Variants in DYRK1A observed in about 807,000 individuals in gnomAD.
DYRK1A encodes the protein dual specificity tyrosine-phosphorylation-regulated kinase 1A.
A neutral mutation model predicts 79.7 loss-of-function variants in DYRK1A; 9 were observed. The ratio of observed to expected loss-of-function variants is 0.11; its 90% confidence interval spans 0.07 to 0.20. The LOEUF is 0.20. Ranked by LOEUF, DYRK1A falls within the 10% of genes least tolerant of loss-of-function variation. DYRK1A has a pLI of 1.00. For missense variants in DYRK1A, 622 were observed against 956.0 expected (o/e 0.65, Z 4.61); for synonymous variants, 349 against 329.7 (o/e 1.06, Z -0.63).
intron 2 of DYRK1A, among the ~76,000 whole-genome samples, chr21:37,457,018 TTAC>T (rs1569339382): frequency 2.5e-5 from 2 of 79,798 alleles, no homozygotes; most frequent in Non-Finnish European, 5.2e-5. Context: ...GAAAATTTAC[TTAC>T]TTACTTACTT....
intron 7 of DYRK1A, among the ~76,000 whole-genome samples, chr21:37,492,243 A>G (rs1369715574): frequency 6.6e-6 from 1 of 152,212 alleles, no homozygotes; most frequent in Non-Finnish European, 1.5e-5. Flanking sequence ...ACTTGGCTGG[A>G]GGTTTCAGTG....
intron 9 of DYRK1A, chr21:37,505,045 T>TAG: frequency 2.1e-6 from 1 of 465,306 alleles, no homozygotes; most frequent in East Asian, 3.6e-5. Context: ...AGGCCATAGT[T>TAG]TACTGACCCC....
At position 37,517,118 on chromosome 21, in the gene DYRK1A, C is replaced by T. The variant is rs979004259; in HGVS notation, c.*4587C>T. On this transcript the variant is annotated 3_prime_UTR_variant, in exon 12 of 12. Transcript: ENST00000647188. Reference sequence around the variant, plus strand: ...GACAAGTCTTAAACCGGCTTCCCTTCGCTTTTACCAGGTAGCCTGGTTCAG... The same window carrying T: ...GACAAGTCTTAAACCGGCTTCCCTTTGCTTTTACCAGGTAGCCTGGTTCAG... 6.6e-6 allele frequency: 1 copy of T among 152,236 alleles called. No individual in the cohort carries two copies. The highest frequency in any genetic ancestry group is 2.4e-5 in the African/African-American group (1 of 41,456). 9.4% of individuals were successfully genotyped at this position (152,236 alleles called of 1,614,324 possible). A position where few individuals can be genotyped will look rare whatever the true frequency, so the allele number is the denominator to read the frequency against.
chr21:37,391,922 C>T (rs760969560), intron 1 of DYRK1A, among the ~76,000 whole-genome samples: 2 of 152,244 alleles, frequency 1.3e-5, no homozygotes, highest in Non-Finnish European at 2.9e-5. Context: ...ATTAAACAAA[C>T]ATACAGATCC....
chr21:37,415,914 T>C (rs1241697697), intron 1 of DYRK1A, among the ~76,000 whole-genome samples: 2 of 152,166 alleles, frequency 1.3e-5, no homozygotes, highest in Non-Finnish European at 2.9e-5. Flanking sequence ...AGCTCTTGTT[T>C]TTTCATGTTT....
At chr21:37,389,752 T>G (rs2049834362) in intron 1 of DYRK1A, among the ~76,000 whole-genome samples, 1 of 151,774 alleles carries the variant, frequency 6.6e-6, no homozygotes, top group Non-Finnish European at 1.5e-5. Context: ...GGTGGACCCA[T>G]GAATATGAGT....
In DYRK1A at chr21:37,493,097, G is replaced by A. The variant is rs528970716; in HGVS notation, c.1005G>A (p.Met335Ile). ...TGCCTTATGACCTTGCCATTGATAT[G>A]TGGTCCCTCGGGTGTATTTTGGTTG... Reference protein sequence around the residue: ...LGMPYDLAIDMWSLGCILVEM... With the variant: ...LGMPYDLAIDIWSLGCILVEM... Residue 335 changes from methionine (M) to isoleucine (I), a missense_variant, in exon 8 of 12, where the codon ATG becomes ATA. Around this residue, in one of 5 missense-constraint regions of DYRK1A, gnomAD observed 138 missense variants for 346.4 expected, o/e 0.40. Transcript: ENST00000647188. 6.5e-7 allele frequency: 1 copy of A among 1,538,750 alleles called. No homozygotes were observed. Among genetic ancestry groups the A allele is most frequent in the Admixed American group, 1.7e-5 (1 of 57,372 alleles).
chr21:37,396,579 G>A (rs376752126), intron 1 of DYRK1A, among the ~76,000 whole-genome samples: 31 of 151,526 alleles, frequency 2.0e-4, no homozygotes, highest in African/African-American at 6.5e-4. Context: ...AATCTAGTCC[G>A]TAGCGTAATA....
intron 9 of DYRK1A, chr21:37,504,080 C>G (rs2053528120): frequency 6.6e-6 from 1 of 152,212 alleles, no homozygotes; most frequent in Non-Finnish European, 1.5e-5. Flanking sequence ...GAGTTGATCT[C>G]TTTTGTAGCT....
chr21:37,474,163 A>G (rs777684075), intron 3 of DYRK1A, among the ~76,000 whole-genome samples: 4 of 152,196 alleles, frequency 2.6e-5, no homozygotes, highest in Non-Finnish European at 4.4e-5. Context: ...TCTTAGATAC[A>G]GTGCTCTTTC....
At position 37,519,007 on chromosome 21, in the gene DYRK1A, T is replaced by C. The variant is rs1039667828; in HGVS notation, c.*6476T>C. The C allele has an allele frequency of 2.0e-5, 3 of 152,210 alleles. No homozygotes were observed. Among genetic ancestry groups the C allele is most frequent in the Non-Finnish European group, 2.9e-5 (2 of 68,036 alleles). The allele number at this position is 152,210 out of a possible 1,614,324, so 9.4% of individuals were successfully genotyped here. A position where few individuals can be genotyped will look rare whatever the true frequency, so the allele number is the denominator to read the frequency against. ...ATTTATGGTGCATTACAAAATGTTA[T>C]AAACAAGCCTCCGGGAAAGGCAGAA... On this transcript the variant is annotated 3_prime_UTR_variant, in exon 12 of 12. Coordinates refer to ENST00000647188, the MANE Select transcript of DYRK1A (RefSeq NM_001347721.2).
chr21:37,460,912 G>A (rs2051817903), intron 2 of DYRK1A, among the ~76,000 whole-genome samples: 1 of 152,066 alleles, frequency 6.6e-6, no homozygotes, highest in Non-Finnish European at 1.5e-5. Flanking sequence ...TGTACAATAT[G>A]ATAATTTATG....
chr21:37,441,962 G>GTT (rs34848736), intron 2 of DYRK1A, among the ~76,000 whole-genome samples: 9,712 of 139,904 alleles, frequency 0.069, 401 homozygotes, highest in Middle Eastern at 0.095. Flanking sequence ...TTATTTTGCT[G>GTT]TTTTTTTTTT....
chr21:37,452,295 C>T (rs975991800), intron 2 of DYRK1A, among the ~76,000 whole-genome samples: 1 of 145,494 alleles, frequency 6.9e-6, no homozygotes, highest in African/African-American at 2.6e-5. Flanking sequence ...AAATAAGCAG[C>T]TGGATTCATG....
At chr21:37,391,723 A>G (rs1276815474) in intron 1 of DYRK1A, among the ~76,000 whole-genome samples, 1 of 152,220 alleles carries the variant, frequency 6.6e-6, no homozygotes, top group Non-Finnish European at 1.5e-5. Flanking sequence ...TTGATAACCT[A>G]GCCCTAGTTT....
chr21:37,473,436 A>T (rs1380905250), intron 3 of DYRK1A, among the ~76,000 whole-genome samples: 1 of 152,208 alleles, frequency 6.6e-6, no homozygotes, highest in African/African-American at 2.4e-5. Flanking sequence ...TCACACACAC[A>T]TACACATGCA....
chr21:37,390,960 T>G (rs2148386286), intron 1 of DYRK1A, among the ~76,000 whole-genome samples: 1 of 152,334 alleles, frequency 6.6e-6, no homozygotes, highest in Non-Finnish European at 1.5e-5. Flanking sequence ...TACAGACCAG[T>G]GATTTTAGAG....
chr21:37,418,278 A>G (rs533245700), intron 1 of DYRK1A, among the ~76,000 whole-genome samples: 3 of 152,310 alleles, frequency 2.0e-5, no homozygotes, highest in South Asian at 2.1e-4. Context: ...TCAGCAGAAA[A>G]TTATGTAACT....
In DYRK1A at chr21:37,522,810, A is replaced by G. The variant is rs2053943596; in HGVS notation, c.*10279A>G. The G allele has an allele frequency of 6.6e-6, 1 of 152,250 alleles. No individual in the cohort carries two copies. The highest frequency in any genetic ancestry group is 1.5e-5 in the Non-Finnish European group (1 of 68,118). The allele number at this position is 152,250 out of a possible 1,614,324, so 9.4% of individuals were successfully genotyped here. On this transcript the variant is annotated 3_prime_UTR_variant, in exon 12 of 12. Coordinates refer to ENST00000647188, the MANE Select transcript of DYRK1A (RefSeq NM_001347721.2). ...CTTCTCAAAAGCCTGCTCTTTGCCC[A>G]TTTCTCTGTTCCCAAGGTCATTTTC... is the stretch of plus-strand genomic sequence containing the variant.
Sources: allele counts gnomAD v4.1 joint callset (sites outside exome capture counted in the v4.1 genomes callset), GRCh38; gene constraint gnomAD v4.1.1; regional missense constraint gnomAD v4.1.1; transcripts MANE v1.5; gene names NCBI Gene and HGNC (gene_info 2026-07-23, HGNC 2026-07-21).